The following KCNQ5 variants were observed in gnomAD, a reference collection of about 807,000 sequenced individuals.
KCNQ5 encodes potassium voltage-gated channel subfamily Q member 5, also known as potassium voltage-gated channel subfamily KQT member 5.
KCNQ5 carries 30 observed loss-of-function variants against 98.2 expected under a neutral mutation model. The observed-to-expected ratio is 0.31, with a 90% CI of 0.23 to 0.41. KCNQ5 has a LOEUF of 0.41. Ranked by LOEUF, KCNQ5 falls within the 10% of genes least tolerant of loss-of-function variation. The pLI is 1.00. For synonymous variants in KCNQ5, 458 were observed against 449.4 expected (o/e 1.02, Z -0.24); for missense variants, 835 against 1,182.5 (o/e 0.71, Z 4.31).
intron 1 of KCNQ5, among the ~76,000 whole-genome samples, chr6:72,772,125 A>T (rs1013993380): frequency 6.6e-6 from 1 of 152,154 alleles, no homozygotes; most frequent in Non-Finnish European, 1.5e-5. Flanking sequence ...GCACTATGAA[A>T]TTTAGCCCTA....
chr6:72,954,204 CT>C (rs1362040596), intron 1 of KCNQ5, among the ~76,000 whole-genome samples: 1 of 152,176 alleles, frequency 6.6e-6, no homozygotes, highest in Non-Finnish European at 1.5e-5. Context: ...CTGGTTCCAA[CT>C]ATAGGTCTGT....
intron 1 of KCNQ5, among the ~76,000 whole-genome samples, chr6:72,680,524 G>T (rs1437399623): frequency 1.3e-5 from 2 of 151,992 alleles, no homozygotes; most frequent in Non-Finnish European, 2.9e-5. Context: ...ACTGGAGAAT[G>T]ATAACACTCT....
intron 1 of KCNQ5, among the ~76,000 whole-genome samples, chr6:72,736,227 G>A (rs1288542653): frequency 6.6e-6 from 1 of 151,998 alleles, no homozygotes; most frequent in Admixed American, 6.6e-5. Context: ...ATTCCCAGGA[G>A]TATAACCCAA....
At chr6:72,874,706 C>T (rs1778341307) in intron 1 of KCNQ5, among the ~76,000 whole-genome samples, 1 of 152,150 alleles carries the variant, frequency 6.6e-6, no homozygotes, top group Admixed American at 6.6e-5. Context: ...TCATTCCTCA[C>T]AGCACACAAG....
At chr6:72,955,727 G>A (rs535528656) in intron 1 of KCNQ5, among the ~76,000 whole-genome samples, 1 of 152,240 alleles carries the variant, frequency 6.6e-6, no homozygotes, top group South Asian at 2.1e-4. Flanking sequence ...ATGCACCAAA[G>A]TAACATAAAA....
Position 73,152,722 on chromosome 6 carries a change from T to G in KCNQ5, c.1469-17024T>G, listed in dbSNP as rs1777201177. Among the ~76,000 whole-genome samples the G allele has an allele frequency of 1.3e-5, 2 of 152,182 alleles. 1 individual carries two copies. Among genetic ancestry groups the G allele is most frequent in the Admixed American group, 1.3e-4 (2 of 15,274 alleles). On this transcript the variant is annotated intron_variant, in intron 10 of 13. Coordinates refer to ENST00000370398, the MANE Select transcript of KCNQ5 (RefSeq NM_019842.4). Reference sequence around the variant, plus strand: ...AGTTTCTGAGTGTATTAGAGCTGATTAACTTTGATCTTCACCATAGGTTGA... The same window carrying G: ...AGTTTCTGAGTGTATTAGAGCTGATGAACTTTGATCTTCACCATAGGTTGA...
intron 1 of KCNQ5, among the ~76,000 whole-genome samples, chr6:72,850,263 A>G (rs1277146360): frequency 2.6e-5 from 4 of 152,298 alleles, no homozygotes; most frequent in South Asian, 4.1e-4. Flanking sequence ...TATGAGTCAA[A>G]GTCTGGACTT....
chr6:72,793,402 G>A (rs1433601182), intron 1 of KCNQ5, among the ~76,000 whole-genome samples: 1 of 152,106 alleles, frequency 6.6e-6, no homozygotes, highest in Non-Finnish European at 1.5e-5. Context: ...TTATACATTT[G>A]CAGCAGTTGC....
At chr6:73,070,974 T>C (rs140172783) in intron 3 of KCNQ5, among the ~76,000 whole-genome samples, 1 of 152,260 alleles carries the variant, frequency 6.6e-6, no homozygotes, top group African/African-American at 2.4e-5. Context: ...TATAGGAAAA[T>C]ATTTTTATAA....
chr6:72,686,327 T>C (rs1186499738), intron 1 of KCNQ5, among the ~76,000 whole-genome samples: 1 of 152,202 alleles, frequency 6.6e-6, no homozygotes, highest in Admixed American at 6.5e-5. Context: ...TTTGTGATGT[T>C]CCCTCGAGCT....
intron 1 of KCNQ5, among the ~76,000 whole-genome samples, chr6:72,750,848 C>T (rs1019772741): frequency 6.6e-6 from 1 of 151,920 alleles, no homozygotes; most frequent in Non-Finnish European, 1.5e-5. Flanking sequence ...ATGATAGTGA[C>T]CTTAAAAAGG....
intron 11 of KCNQ5, among the ~76,000 whole-genome samples, chr6:73,183,760 G>A (rs1291654460): frequency 3.9e-5 from 6 of 152,158 alleles, no homozygotes; most frequent in Non-Finnish European, 8.8e-5. Flanking sequence ...GAAAGAGGGA[G>A]GCTGAGATAA....
At chr6:72,939,946 C>T (rs902725925) in intron 1 of KCNQ5, among the ~76,000 whole-genome samples, 1 of 152,138 alleles carries the variant, frequency 6.6e-6, no homozygotes, top group Admixed American at 6.5e-5. Flanking sequence ...TGTTTTGTAA[C>T]TAAATGTGAA....
chr6:73,003,306 G>A (rs1211518913), intron 1 of KCNQ5, among the ~76,000 whole-genome samples: 1 of 152,136 alleles, frequency 6.6e-6, no homozygotes, highest in Non-Finnish European at 1.5e-5. Flanking sequence ...TGACTAGAAG[G>A]AAATGGAAAG....
At chr6:72,685,962 G>A (rs1767930278) in intron 1 of KCNQ5, among the ~76,000 whole-genome samples, 1 of 152,184 alleles carries the variant, frequency 6.6e-6, no homozygotes, top group Non-Finnish European at 1.5e-5. Flanking sequence ...TTAGCTTGCA[G>A]ATAGTTGCCA....
chr6:72,862,046 C>A (rs1459001112), intron 1 of KCNQ5, among the ~76,000 whole-genome samples: 1 of 152,282 alleles, frequency 6.6e-6, no homozygotes, highest in East Asian at 1.9e-4. Flanking sequence ...GGCAGTGGTG[C>A]TAAGTCTGGC....
Position 72,796,171 on chromosome 6 carries a change from C to T in KCNQ5, c.398+173584C>T, listed in dbSNP as rs564801034. Among the ~76,000 whole-genome samples, 18 of 152,010 alleles carry T rather than the reference C, an allele frequency of 1.2e-4. No homozygotes were observed. In the East Asian group the frequency reaches 3.3e-3, roughly 28 times the overall value. ...TCATATTTGCCTATTATAGGCAAGT[C>T]ATTATTAAATATAATTTATGGAAGC... On this transcript the variant is annotated intron_variant, in intron 1 of 13. Transcript: ENST00000370398.
intron 1 of KCNQ5, among the ~76,000 whole-genome samples, chr6:72,951,444 AT>A (rs112394660): frequency 8.1e-4 from 109 of 135,158 alleles, no homozygotes; most frequent in African/African-American, 1.5e-3. Flanking sequence ...CACCCAGCAA[AT>A]TTTTTTTTTT....
intron 10 of KCNQ5, among the ~76,000 whole-genome samples, chr6:73,137,887 C>A (rs1296412306): frequency 6.6e-6 from 1 of 152,158 alleles, no homozygotes; most frequent in Non-Finnish European, 1.5e-5. Flanking sequence ...TCCCCTCCCC[C>A]AACCCCCACC....
Sources: gnomAD v4.1 joint callset for allele counts (sites outside exome capture counted in the v4.1 genomes callset) on GRCh38, gnomAD v4.1.1 for gene constraint, MANE v1.5 for transcripts, NCBI Gene and HGNC (gene_info 2026-07-23, HGNC 2026-07-21) for gene names.